Variants in HIVEP3 observed in about 807,000 individuals in gnomAD.
HIVEP3 encodes HIVEP zinc finger 3.
A neutral mutation model predicts 152.8 loss-of-function variants in HIVEP3; 49 were observed. The ratio of observed to expected loss-of-function variants is 0.32; its 90% CI spans 0.26 to 0.41. HIVEP3 has a LOEUF of 0.41. HIVEP3 is among the 10% of genes least tolerant of loss of function. The pLI is 1.00. For synonymous variants in HIVEP3, 1,269 were observed against 1,289.0 expected (o/e 0.98, Z 0.33); for missense variants, 2,790 against 3,103.3 (o/e 0.90, Z 2.40).
chr1:41,702,672 G>C (rs1243104997), intron 1 of HIVEP3, among the ~76,000 whole-genome samples: 1 of 152,194 alleles, frequency 6.6e-6, no homozygotes, highest in African/African-American at 2.4e-5. Flanking sequence ...CTCCTGGCCT[G>C]TGAGCCCCTA....
chr1:41,518,167 G>C (rs1040223936), intron 7 of HIVEP3, among the ~76,000 whole-genome samples: 1 of 152,228 alleles, frequency 6.6e-6, no homozygotes, highest in Non-Finnish European at 1.5e-5. Context: ...ATGATAGCTA[G>C]GGCTGCAGAG....
At chr1:41,893,210 G>A (rs1644475126) in intron 1 of HIVEP3, among the ~76,000 whole-genome samples, 1 of 151,692 alleles carries the variant, frequency 6.6e-6, no homozygotes, top group Admixed American at 6.6e-5. Context: ...CTTGTCGGCT[G>A]CTGTGTGTAC....
chr1:41,683,236 A>T (rs941421550), intron 2 of HIVEP3, among the ~76,000 whole-genome samples: 1 of 152,156 alleles, frequency 6.6e-6, no homozygotes, highest in African/African-American at 2.4e-5. Context: ...AGCCAACTGG[A>T]CCCCAGCTGG....
chr1:41,843,970 T>C (rs1643364460), intron 1 of HIVEP3, among the ~76,000 whole-genome samples: 1 of 152,004 alleles, frequency 6.6e-6, no homozygotes, highest in African/African-American at 2.4e-5. Flanking sequence ...TGTCCATGTG[T>C]TCTCATTGTT....
At chr1:41,826,732 G>C (rs1642815901) in intron 1 of HIVEP3, among the ~76,000 whole-genome samples, 1 of 152,218 alleles carries the variant, frequency 6.6e-6, no homozygotes, top group South Asian at 2.1e-4. Flanking sequence ...TGGAGACGTG[G>C]TTGTGAGTTG....
At chr1:41,651,020 T>C (rs1309365679) in intron 2 of HIVEP3, among the ~76,000 whole-genome samples, 3 of 152,174 alleles carry the variant, frequency 2.0e-5, no homozygotes, top group East Asian at 1.9e-4. Context: ...TATTTTTCTA[T>C]AGCCAGGGAA....
chr1:41,938,620 G>A (rs1645031276), intron 1 of HIVEP3, among the ~76,000 whole-genome samples: 1 of 152,204 alleles, frequency 6.6e-6, no homozygotes, highest in African/African-American at 2.4e-5. Context: ...AGCAGTTAGT[G>A]GCTGCCTGGA....
At chr1:41,610,957 C>A (rs1211189373) in intron 3 of HIVEP3, among the ~76,000 whole-genome samples, 2 of 152,176 alleles carry the variant, frequency 1.3e-5, no homozygotes, top group Non-Finnish European at 2.9e-5. Context: ...AGTATGATTT[C>A]GTGGGGCTGC....
chr1:41,562,626 TC>T (rs1644092205), intron 5 of HIVEP3, among the ~76,000 whole-genome samples: 8 of 112,634 alleles, frequency 7.1e-5, no homozygotes, highest in African/African-American at 3.2e-4. Flanking sequence ...TCTCTCTCTC[TC>T]TCTCTCCCTC....
intron 2 of HIVEP3, among the ~76,000 whole-genome samples, chr1:41,654,623 T>C (rs903769798): frequency 6.6e-6 from 1 of 152,236 alleles, no homozygotes; most frequent in African/African-American, 2.4e-5. Flanking sequence ...GGTACATTAC[T>C]AGTAACTATT....
chr1:41,840,303 A>G (rs1010963327), intron 1 of HIVEP3, among the ~76,000 whole-genome samples: 6 of 152,212 alleles, frequency 3.9e-5, no homozygotes, highest in South Asian at 4.1e-4. Flanking sequence ...CAAATCCAAC[A>G]TGACTGTGTC....
chr1:42,035,842 G>A (rs1473599727), exon 1 of HIVEP3: 2 of 150,184 alleles, frequency 1.3e-5, no homozygotes, highest in Non-Finnish European at 3.0e-5. Context: ...AGGCGGCTTG[G>A]GATGCCGGGG....
At chr1:41,843,444 A>G (rs1445949655) in intron 1 of HIVEP3, among the ~76,000 whole-genome samples, 2 of 152,228 alleles carry the variant, frequency 1.3e-5, no homozygotes. Context: ...ATGCATGGGC[A>G]TCAGTATTTC....
intron 1 of HIVEP3, among the ~76,000 whole-genome samples, chr1:41,901,745 G>A (rs1440120898): frequency 6.6e-6 from 1 of 152,152 alleles, no homozygotes; most frequent in Non-Finnish European, 1.5e-5. Context: ...GCGGAGGAGG[G>A]AGGTGACACC....
chr1:41,510,761 G>T lies in HIVEP3; in HGVS notation c.6911C>A (p.Pro2304His). 1.9e-6 allele frequency: 3 copies of T among 1,596,566 alleles called. No homozygotes were observed. Among genetic ancestry groups the T allele is most frequent in the South Asian group, 1.1e-5 (1 of 89,510 alleles). Residue 2304 changes from proline (P) to histidine (H), a missense_variant, in exon 9 of 9, where the codon CCC becomes CAC. By Grantham distance (77) the Pro-to-His change is moderately conservative. Around this residue, in one of 9 missense-constraint regions of HIVEP3, gnomAD observed 816 missense variants for 806.5 expected, o/e 1.01. Transcript: ENST00000372583. Reference sequence around the variant, plus strand: ...GGGTGGGGTGCAGGGGCTGTGCGTGGGTGTGGGCTCTGCAGGTGCCCCGGT... The same window carrying T: ...GGGTGGGGTGCAGGGGCTGTGCGTGTGTGTGGGCTCTGCAGGTGCCCCGGT... ...HGTGAPAEPT[P>H]THSPCTPPDT...
At chr1:41,796,560 T>C (rs945219310) in intron 1 of HIVEP3, among the ~76,000 whole-genome samples, 3 of 152,286 alleles carry the variant, frequency 2.0e-5, no homozygotes, top group Non-Finnish European at 4.4e-5. Context: ...GCTGAGTGAA[T>C]GAGTGGGTAA....
intron 1 of HIVEP3, among the ~76,000 whole-genome samples, chr1:41,916,533 C>T (rs996457425): frequency 6.6e-6 from 1 of 152,176 alleles, no homozygotes; most frequent in East Asian, 1.9e-4. Context: ...TCACACCACC[C>T]TCTCCTCCTG....
At chr1:41,530,888 T>C (rs1295604796) in intron 5 of HIVEP3, among the ~76,000 whole-genome samples, 3 of 152,188 alleles carry the variant, frequency 2.0e-5, no homozygotes, top group South Asian at 4.1e-4. Flanking sequence ...CTCTGAGCCT[T>C]CAAGGTTGGT....
chr1:41,852,191 C>G (rs1643623054), intron 1 of HIVEP3, among the ~76,000 whole-genome samples: 1 of 152,230 alleles, frequency 6.6e-6, no homozygotes, highest in Non-Finnish European at 1.5e-5. Flanking sequence ...TCTCAGACCC[C>G]AGGCTGCTGC....
Sources: allele counts gnomAD v4.1 joint callset (sites outside exome capture counted in the v4.1 genomes callset), GRCh38; gene constraint gnomAD v4.1.1; regional missense constraint gnomAD v4.1.1; transcripts MANE v1.5; gene names NCBI Gene and HGNC (gene_info 2026-07-23, HGNC 2026-07-21).